Variants in PIP5K1C observed in about 807,000 individuals in gnomAD.
The protein encoded by PIP5K1C is phosphatidylinositol 4-phosphate 5-kinase type-1 gamma.
PIP5K1C carries 45 observed loss-of-function variants against 80.1 expected under a neutral mutation model. That is an observed-to-expected ratio of 0.56 (90% CI 0.44 to 0.72). The LOEUF (loss-of-function observed/expected upper bound fraction) is 0.72, where lower values mean the gene tolerates loss of function less well. Among genes scored for constraint, PIP5K1C ranks in the 30% least tolerant of loss-of-function variants. PIP5K1C has a pLI of 0.00. For synonymous variants in PIP5K1C, 498 were observed against 420.1 expected, an observed-to-expected ratio of 1.19 and a Z score of -2.27; for missense variants, 753 against 954.6, an observed-to-expected ratio of 0.79 and a Z score of 2.78.
chr19:3,655,244 A>T (rs893563964), intron 6 of PIP5K1C, among the ~76,000 whole-genome samples: 2 of 151,042 alleles, frequency 1.3e-5, no homozygotes, highest in South Asian at 2.1e-4. Context: ...CGGTGAAACC[A>T]TGTCTCTACT....
intron 1 of PIP5K1C, among the ~76,000 whole-genome samples, chr19:3,686,280 C>G (rs994845210): frequency 6.6e-6 from 1 of 151,178 alleles, no homozygotes; most frequent in Non-Finnish European, 1.5e-5. Context: ...ATTAGCCGGG[C>G]GTGGTGGCGG....
intron 1 of PIP5K1C, among the ~76,000 whole-genome samples, chr19:3,698,006 G>A (rs1031050131): frequency 6.6e-5 from 10 of 152,242 alleles, no homozygotes; most frequent in Admixed American, 5.9e-4. Context: ...CGGATCAGCC[G>A]AAATCGCCAA....
chr19:3,677,633 G>A (rs989613776), intron 1 of PIP5K1C, among the ~76,000 whole-genome samples: 1 of 150,454 alleles, frequency 6.6e-6, no homozygotes, highest in African/African-American at 2.5e-5. Flanking sequence ...CGTGTTAAGT[G>A]TTGACAGGTG....
intron 4 of PIP5K1C, among the ~76,000 whole-genome samples, 176 bp from the exon 5 acceptor site, chr19:3,661,259 C>A (rs574679314): frequency 6.3e-4 from 96 of 152,344 alleles, no homozygotes; most frequent in African/African-American, 2.3e-3. Flanking sequence ...GACTGTCCCC[C>A]AGTAACCACC....
At chr19:3,654,580 C>T (rs1164043150) in intron 6 of PIP5K1C, among the ~76,000 whole-genome samples, 2 of 152,178 alleles carry the variant, frequency 1.3e-5, no homozygotes, top group African/African-American at 4.8e-5. Flanking sequence ...CTGTGGGAGG[C>T]CGAGGCGGGC....
chr19:3,651,427 G>A (rs561482765), intron 8 of PIP5K1C, among the ~76,000 whole-genome samples: 2 of 152,318 alleles, frequency 1.3e-5, no homozygotes, highest in African/African-American at 4.8e-5. Flanking sequence ...CCTGCTGTGA[G>A]CCCTGCCTCG....
intron 3 of PIP5K1C, among the ~76,000 whole-genome samples, chr19:3,662,474 C>T (rs565576966): frequency 7.9e-5 from 12 of 152,346 alleles, no homozygotes; most frequent in African/African-American, 2.2e-4. Flanking sequence ...CCCACATGGC[C>T]GCTATGTGCC....
intron 1 of PIP5K1C, among the ~76,000 whole-genome samples, chr19:3,683,525 A>G (rs1473276091): frequency 6.6e-6 from 1 of 152,186 alleles, no homozygotes; most frequent in Non-Finnish European, 1.5e-5. Context: ...TTAGTCACGC[A>G]ATTGTCCCAA....
At position 3,633,454 on chromosome 19, in the gene PIP5K1C, C is replaced by T. The variant is rs202073714; in HGVS notation, c.1987G>A (p.Asp663Asn). Residue 663 changes from aspartate (D) to asparagine (N), a missense_variant, in exon 17 of 18, where the codon GAC (aspartate) becomes AAC (asparagine). Asp to Asn is a conservative substitution (Grantham distance 23, BLOSUM62 1). This residue lies in a region of PIP5K1C where 315 missense variants were observed against 294.5 expected (regional missense o/e 1.07). Transcript: ENST00000335312. ...HYSAQAPPAS[D>N]GESDT ...GCACTTACTGTGTCGCTCTCGCCGTCGGAGGCCGGGGGGGCCTGGGCGCTA... is the reference window on the plus strand; with the variant it reads ...GCACTTACTGTGTCGCTCTCGCCGTTGGAGGCCGGGGGGGCCTGGGCGCTA... The T allele has an allele frequency of 3.1e-5, 46 of 1,499,022 alleles. No individual in the cohort carries two copies. The highest frequency in any genetic ancestry group is 2.2e-4 in the African/African-American group (16 of 71,464). The allele number at this position is 1,499,022 out of a possible 1,614,324, so 92.9% of individuals were successfully genotyped here. A position where few individuals can be genotyped will look rare whatever the true frequency, so the allele number is the denominator to read the frequency against.
chr19:3,700,337 G>A lies in PIP5K1C; in HGVS notation c.54C>T (p.Pro18=), dbSNP rs1568369606. The change falls in exon 1 of 18, where the codon CCC becomes CCT. Residue 18 remains proline, a synonymous_variant. Transcript: ENST00000335312. ...TCTCTGCCGCCCACGCCGCCTCCGA[G>A]GGCACGGCCCCCGCCTCAGCGCTCT... is the stretch of plus-strand genomic sequence containing the variant. ...EAESAEAGAV[P]SEAAWAAESG... 7.7e-7 allele frequency: 1 copy of A among 1,296,202 alleles called. No homozygotes were observed. Among genetic ancestry groups the A allele is most frequent in the Non-Finnish European group, 9.9e-7 (1 of 1,005,474 alleles). 80.3% of individuals were successfully genotyped at this position (1,296,202 alleles called of 1,614,324 possible).
In PIP5K1C at chr19:3,644,068, T is replaced by G; in HGVS notation, c.1510+19A>C. ...CCCCCTGTAGCGCCCACAAGCGCAC[T>G]CTGCCCTCTGCCCCTCACCTTCGTC... On this transcript the variant is annotated intron_variant, in intron 12 of 17. Transcript: ENST00000335312. 6.2e-7 allele frequency: 1 copy of G among 1,609,594 alleles called. No individual in the cohort carries two copies. The highest frequency in any genetic ancestry group is 8.5e-7 in the Non-Finnish European group (1 of 1,179,700).
intron 17 of PIP5K1C, 132 bp downstream of exon 17, chr19:3,633,305 A>T: frequency 1.5e-6 from 1 of 684,984 alleles, no homozygotes; most frequent in Non-Finnish European, 2.5e-6. Context: ...CAGAGAGCCC[A>T]GGGTGGAGCT....
intron 13 of PIP5K1C, 31 bp downstream of exon 13, chr19:3,643,212 C>T (rs202235514): frequency 1.2e-5 from 19 of 1,610,808 alleles, no homozygotes; most frequent in Non-Finnish European, 1.5e-5. Context: ...GCGGATGCCC[C>T]GCCCACATGC....
chr19:3,671,206 GC>G lies in PIP5K1C; in HGVS notation c.95-3854del, dbSNP rs936632557. 1.9e-3 allele frequency among the ~76,000 whole-genome samples: 283 copies of G among 152,242 alleles called. 1 individual carries two copies. The highest frequency in any genetic ancestry group is 5.7e-3 in the African/African-American group (236 of 41,564). ...CTACTCGCGAAACCACCCCTCTGGG[GC>G]CCCCCCACACCCACTTGGGTGACTC... On this transcript the variant is annotated intron_variant, in intron 1 of 17. Coordinates refer to ENST00000335312, the MANE Select transcript of PIP5K1C (RefSeq NM_012398.3).
At chr19:3,646,880 G>A (rs1400644035) in intron 10 of PIP5K1C, among the ~76,000 whole-genome samples, 1 of 152,124 alleles carries the variant, frequency 6.6e-6, no homozygotes, top group African/African-American at 2.4e-5. Flanking sequence ...TGGGAGGAAG[G>A]CTGGGACGAC....
At chr19:3,639,813 G>A (rs2033887943) in intron 15 of PIP5K1C, among the ~76,000 whole-genome samples, 1 of 152,220 alleles carries the variant, frequency 6.6e-6, no homozygotes. Context: ...GGGGGATGGA[G>A]AGGGTGCGGC....
intron 1 of PIP5K1C, among the ~76,000 whole-genome samples, chr19:3,691,768 C>A (rs2035958186): frequency 6.6e-6 from 1 of 152,232 alleles, no homozygotes. Context: ...GCCTTTACTG[C>A]ACTGGGGGTG....
chr19:3,698,569 C>T (rs1053626465), intron 1 of PIP5K1C, among the ~76,000 whole-genome samples: 1 of 152,244 alleles, frequency 6.6e-6, no homozygotes, highest in Non-Finnish European at 1.5e-5. Context: ...GTGTCTGGGT[C>T]ACTTGTGGCT....
intron 6 of PIP5K1C, among the ~76,000 whole-genome samples, chr19:3,655,872 T>A (rs1007443347): frequency 6.6e-6 from 1 of 152,146 alleles, no homozygotes; most frequent in Admixed American, 6.5e-5. Context: ...CGGCTCCTAC[T>A]CCTACTCCCC....
Sources: gnomAD v4.1 joint callset for allele counts (sites outside exome capture counted in the v4.1 genomes callset) on GRCh38, gnomAD v4.1.1 for gene constraint, gnomAD v4.1.1 regional missense constraint, MANE v1.5 for transcripts, NCBI Gene and HGNC (gene_info 2026-07-23, HGNC 2026-07-21) for gene names.